EAPP: variants seen among roughly 807,000 people sequenced by gnomAD.
EAPP encodes the protein E2F-associated phosphoprotein.
EAPP carries 38 observed loss-of-function variants against 34.3 expected under a neutral mutation model. That is an observed-to-expected ratio of 1.11 (90% CI 0.85 to 1.45). EAPP has a LOEUF of 1.45. EAPP is among the 40% of genes most tolerant of loss of function. The pLI, the probability that EAPP is intolerant of heterozygous loss-of-function variation, is 0.00. For synonymous variants in EAPP, 113 were observed against 117.6 expected, an observed-to-expected ratio of 0.96 and a Z score of 0.25; for missense variants, 338 against 343.7, an observed-to-expected ratio of 0.98 and a Z score of 0.13.
chr14:34,518,014 C>A (rs138731013), intron 5 of EAPP, among the ~76,000 whole-genome samples: 3,075 of 152,088 alleles, frequency 0.02, 94 homozygotes, highest in African/African-American at 0.065. Flanking sequence ...ACCTCGTGAT[C>A]TGCCTGCTTT....
In EAPP at chr14:34,528,045, A is replaced by ATTTTT. The variant is rs33982261; in HGVS notation, c.470+1308_470+1312dup. Among the ~76,000 whole-genome samples, 17 of 142,438 alleles carry ATTTTT rather than the reference A, an allele frequency of 1.2e-4. 1 individual carries two copies. Among genetic ancestry groups the ATTTTT allele is most frequent in the South Asian group, 6.7e-4 (3 of 4,500 alleles). The allele number at this position is 142,438 out of a possible 152,430, so 93.4% of individuals were successfully genotyped here. ...GTGTACCTAGAGTAGCCTCATCTCAATTTTTTTTTTTTTTTTGAGACAGTC... is the reference window on the plus strand; with the variant it reads ...GTGTACCTAGAGTAGCCTCATCTCAATTTTTTTTTTTTTTTTTTTTTGAGACAGTC... On this transcript the variant is annotated intron_variant, in intron 4 of 5. Transcript: ENST00000250454.
intron 1 of EAPP, among the ~76,000 whole-genome samples, chr14:34,537,677 G>A (rs185949937): frequency 6.6e-6 from 1 of 152,342 alleles, no homozygotes; most frequent in East Asian, 1.9e-4. Flanking sequence ...CCAAGCTCAA[G>A]TAGTCTTTAG....
chr14:34,525,086 T>C (rs1030133036), intron 4 of EAPP, among the ~76,000 whole-genome samples: 2 of 152,038 alleles, frequency 1.3e-5, no homozygotes, highest in Admixed American at 1.3e-4. Flanking sequence ...CAAAATAAAG[T>C]AGGACTGGAT....
rs1397949725 is a variant in EAPP at position 34,516,028 on chromosome 14, C to T, written c.*282G>A. 6.4e-6 allele frequency: 2 copies of T among 313,160 alleles called. No individual in the cohort carries two copies. The highest frequency in any genetic ancestry group is 5.3e-5 in the East Asian group (1 of 19,034). The allele number at this position is 313,160 out of a possible 1,614,324, so 19.4% of individuals were successfully genotyped here. ...ACAAAGATTGCTTATAATTCCAGAA[C>T]ATTTTAATTCTACAGAGCTTTAATA... On this transcript the variant is annotated 3_prime_UTR_variant, in exon 6 of 6. Transcript: ENST00000250454.
At chr14:34,539,403 C>G (rs1409726470) in intron 1 of EAPP, 152 bp downstream of exon 1, 2 of 825,296 alleles carry the variant, frequency 2.4e-6, no homozygotes, top group South Asian at 2.9e-5. Context: ...GCGACCCCAT[C>G]AGGAAAGCCC....
chr14:34,539,480 G>A (rs1387642392), intron 1 of EAPP, 75 bp downstream of exon 1: 1 of 1,498,268 alleles, frequency 6.7e-7, no homozygotes, highest in Non-Finnish European at 9.2e-7. Context: ...AGGCTCGGCA[G>A]GCGCAACGAA....
At chr14:34,533,372 A>G in intron 3 of EAPP, 72 bp downstream of exon 3, 1 of 1,269,370 alleles carries the variant, frequency 7.9e-7, no homozygotes, top group Admixed American at 1.8e-5. Flanking sequence ...GGGAAATCCT[A>G]ACATCTAATA....
In EAPP at chr14:34,516,099, T is replaced by C; in HGVS notation, c.*211A>G. 2.1e-6 allele frequency: 1 copy of C among 471,076 alleles called. No homozygotes were observed. The highest frequency in any genetic ancestry group is 3.7e-6 in the Non-Finnish European group (1 of 271,178). The allele number at this position is 471,076 out of a possible 1,614,324, so 29.2% of individuals were successfully genotyped here. Reference sequence around the variant, plus strand: ...ATGTTCATCAAAAACAGAATGAATATCAGTCCCATCAATAAGGGGGAAAAT... The same window carrying C: ...ATGTTCATCAAAAACAGAATGAATACCAGTCCCATCAATAAGGGGGAAAAT... On this transcript the variant is annotated 3_prime_UTR_variant, in exon 6 of 6. Coordinates refer to ENST00000250454, the MANE Select transcript of EAPP (RefSeq NM_018453.4).
chr14:34,525,434 CTCTACT>C (rs1566446959), intron 4 of EAPP, among the ~76,000 whole-genome samples: 3 of 150,430 alleles, frequency 2.0e-5, no homozygotes, highest in African/African-American at 7.5e-5. Flanking sequence ...GAAAATGGCT[CTCTACT>C]TCTATGTTCT....
chr14:34,516,427 C>A lies in EAPP; in HGVS notation c.741G>T (p.Glu247Asp). 1 of 1,614,206 alleles carries A rather than the reference C, an allele frequency of 6.2e-7. No homozygotes were observed. The highest frequency in any genetic ancestry group is 2.2e-5 in the East Asian group (1 of 44,886). The change falls in exon 6 of 6, where the codon GAG becomes GAT. Residue 247 changes from glutamate to aspartate, a missense_variant. By Grantham distance (45) the Glu-to-Asp change is conservative. Coordinates refer to ENST00000250454, the MANE Select transcript of EAPP (RefSeq NM_018453.4). ...SNREDAAEKA[E>D]TDVEEIYHPV... is the part of the protein sequence containing the mutation. ...GGTGATAGATTTCTTCCACATCTGT[C>A]TCTGCCTTCTCGGCAGCATCTTCCC... is the stretch of plus-strand genomic sequence containing the variant.
At chr14:34,516,884 T>C (rs1220566298) in intron 5 of EAPP, among the ~76,000 whole-genome samples, 4 of 151,646 alleles carry the variant, frequency 2.6e-5, no homozygotes, top group South Asian at 2.1e-4. Context: ...AACATTTTAG[T>C]ATGTAACAGT....
chr14:34,532,288 T>A (rs184636490), intron 3 of EAPP, among the ~76,000 whole-genome samples: 1 of 151,214 alleles, frequency 6.6e-6, no homozygotes, highest in African/African-American at 2.4e-5. Flanking sequence ...TGAAACCCCG[T>A]TTCTCCTAAA....
chr14:34,534,301 T>C (rs1880392215), intron 2 of EAPP, among the ~76,000 whole-genome samples: 2 of 152,054 alleles, frequency 1.3e-5, no homozygotes, highest in East Asian at 3.9e-4. Context: ...CCCAGCTAAT[T>C]TTTTGTGTTT....
chr14:34,525,881 G>A lies in EAPP; in HGVS notation c.471-1074C>T, dbSNP rs534189093. Among the ~76,000 whole-genome samples the A allele has an allele frequency of 1.2e-3, 188 of 151,870 alleles. 1 individual carries two copies. Among genetic ancestry groups the A allele is most frequent in the African/African-American group, 4.2e-3 (176 of 41,436 alleles). ...AAAAAAATACAAAAATTAGCTGGGC[G>A]TGGTGGCACATGCCTGTAGTCCCAG... On this transcript the variant is annotated intron_variant, in intron 4 of 5. Coordinates refer to ENST00000250454, the MANE Select transcript of EAPP (RefSeq NM_018453.4).
At position 34,536,091 on chromosome 14, in the gene EAPP, T is replaced by C. The variant is rs769983811; in HGVS notation, c.256+3A>G. 1.8e-5 allele frequency: 29 copies of C among 1,602,440 alleles called. No homozygotes were observed. Among genetic ancestry groups the C allele is most frequent in the Admixed American group, 8.8e-5 (5 of 56,718 alleles). On this transcript the variant is annotated splice_donor_region_variant and intron_variant, in intron 2 of 5. Transcript: ENST00000250454. ...TATATATAAAATTGAACCAAAAGTT[T>C]ACCAGTTCCCAGAGAGGATAACTTG...
At chr14:34,531,442 A>G (rs1880286984) in intron 3 of EAPP, among the ~76,000 whole-genome samples, 1 of 151,902 alleles carries the variant, frequency 6.6e-6, no homozygotes, top group Admixed American at 6.6e-5. Flanking sequence ...CTCTACTAAG[A>G]ATGCAAAAAT....
At position 34,516,449 on chromosome 14, in the gene EAPP, T is replaced by C. The variant is rs775754345; in HGVS notation, c.719A>G (p.Glu240Gly). ...TGTCTCTGCCTTCTCGGCAGCATCT[T>C]CCCGGTTAGACCTCATCTTCTTATG... ...RVHKKMRSNR[E>G]DAAEKAETDV... Residue 240 changes from glutamate to glycine, a missense_variant, in exon 6 of 6, where the codon GAA becomes GGA. Physicochemically the swap from Glu to Gly is moderately conservative, Grantham distance 98 (BLOSUM62 -2). Transcript: ENST00000250454. The C allele has an allele frequency of 6.2e-6, 10 of 1,614,190 alleles. No homozygotes were observed. In the Admixed American group the frequency reaches 1.7e-4, roughly 27 times the overall value.
chr14:34,521,654 A>G, intron 5 of EAPP, among the ~76,000 whole-genome samples: 1 of 68,356 alleles, frequency 1.5e-5, no homozygotes, highest in African/African-American at 4.1e-5. Context: ...TTTTTTTTTT[A>G]GATGGAGTCT....
intron 5 of EAPP, 22 bp downstream of exon 5, chr14:34,524,675 G>GTGTGTGTGTA (rs745982195): frequency 7.9e-7 from 1 of 1,263,194 alleles, no homozygotes. Context: ...GTGTGTGTGT[G>GTGTGTGTGTA]TGTGTGTCCT....
Sources: gnomAD v4.1 joint callset for allele counts (sites outside exome capture counted in the v4.1 genomes callset) on GRCh38, gnomAD v4.1.1 for gene constraint, MANE v1.5 for transcripts, NCBI Gene and HGNC (gene_info 2026-07-23, HGNC 2026-07-21) for gene names.